SLC4A7: variants seen among roughly 807,000 people sequenced by gnomAD.
SLC4A7 encodes the protein solute carrier family 4 member 7.
Under a neutral mutation model 137.6 loss-of-function variants are expected in SLC4A7, and 51 were observed. That is an observed-to-expected ratio of 0.37 (90% CI 0.30 to 0.47). The LOEUF (loss-of-function observed/expected upper bound fraction) is 0.47, where lower values mean the gene tolerates loss of function less well. SLC4A7 is among the 20% of genes least tolerant of loss of function. The pLI is 1.00. For missense variants in SLC4A7, 1,247 were observed against 1,525.4 expected (o/e 0.82, Z 3.04); for synonymous variants, 542 against 518.6 (o/e 1.05, Z -0.61).
intron 24 of SLC4A7, among the ~76,000 whole-genome samples, chr3:27,382,078 A>C (rs2050477474): frequency 6.6e-6 from 1 of 152,070 alleles, no homozygotes; most frequent in South Asian, 2.1e-4. Flanking sequence ...AAAAAAAAAG[A>C]AAAAAAATAC....
intron 1 of SLC4A7, among the ~76,000 whole-genome samples, chr3:27,479,662 C>A (rs568664635): frequency 5.8e-4 from 89 of 152,254 alleles, no homozygotes; most frequent in African/African-American, 2.1e-3. Flanking sequence ...TTTTTCCAAA[C>A]TGCAAAAATG....
intron 7 of SLC4A7, among the ~76,000 whole-genome samples, chr3:27,428,448 C>T (rs2055889167): frequency 6.6e-6 from 1 of 152,220 alleles, no homozygotes; most frequent in Admixed American, 6.5e-5. Flanking sequence ...ACTATTATAA[C>T]TAATGTCATA....
chr3:27,394,405 G>A lies in SLC4A7; in HGVS notation c.3117+113C>T, dbSNP rs554586321. ...TGAAATTATTTCCCAAGTAAACTGT[G>A]GAAAACAAACCTAATTTTAGGTATT... On this transcript the variant is annotated intron_variant, in intron 20 of 25. Coordinates refer to ENST00000454389, the MANE Select transcript of SLC4A7 (RefSeq NM_001321103.2). The A allele has an allele frequency of 7.4e-6, 7 of 946,344 alleles. No individual in the cohort carries two copies. The Admixed American group carries it at 1.2e-4, about 16-fold the overall frequency. The allele number at this position is 946,344 out of a possible 1,614,324, so 58.6% of individuals were successfully genotyped here.
At chr3:27,465,289 CAAAAA>C (rs11329798) in intron 1 of SLC4A7, among the ~76,000 whole-genome samples, 8 of 84,704 alleles carry the variant, frequency 9.4e-5, no homozygotes, top group Admixed American at 2.7e-4. Flanking sequence ...GACTCCGTCT[CAAAAA>C]AAAAAAAAAA....
chr3:27,455,583 T>C (rs1026559140), intron 1 of SLC4A7, among the ~76,000 whole-genome samples: 19 of 150,216 alleles, frequency 1.3e-4, no homozygotes, highest in African/African-American at 4.4e-4. Context: ...TTTTTTTTTT[T>C]TTTTTTTGGA....
intron 20 of SLC4A7, among the ~76,000 whole-genome samples, chr3:27,393,372 G>C (rs2051790181): frequency 6.6e-6 from 1 of 152,132 alleles, no homozygotes; most frequent in South Asian, 2.1e-4. Context: ...AAACTATTTT[G>C]AATATCTAAC....
intron 24 of SLC4A7, among the ~76,000 whole-genome samples, chr3:27,380,142 G>A (rs2050271713): frequency 6.6e-6 from 1 of 151,852 alleles, no homozygotes; most frequent in African/African-American, 2.4e-5. Context: ...CCCCGTCTTT[G>A]CTAAAAATAT....
intron 22 of SLC4A7, among the ~76,000 whole-genome samples, chr3:27,388,217 TA>T (rs1218720017): frequency 7.2e-5 from 11 of 152,220 alleles, no homozygotes; most frequent in African/African-American, 2.7e-4. Flanking sequence ...TCTATCTACT[TA>T]AGATATATTA....
intron 1 of SLC4A7, among the ~76,000 whole-genome samples, chr3:27,452,877 C>G (rs2058168942): frequency 6.6e-6 from 1 of 152,140 alleles, no homozygotes; most frequent in Admixed American, 6.5e-5. Flanking sequence ...GATCTTTGCT[C>G]TTAAGTCTCC....
chr3:27,450,758 T>C (rs1171425836), intron 2 of SLC4A7, among the ~76,000 whole-genome samples: 1 of 152,106 alleles, frequency 6.6e-6, no homozygotes, highest in East Asian at 1.9e-4. Flanking sequence ...GCCTCTAGTG[T>C]CCTCTGTTTT....
chr3:27,394,825 A>T (rs952701569), intron 19 of SLC4A7, 56 bp from the exon 20 acceptor site: 3 of 1,575,748 alleles, frequency 1.9e-6, no homozygotes, highest in Non-Finnish European at 2.6e-6. Context: ...CCTCAATTTA[A>T]AATTCTACAC....
chr3:27,461,955 A>ATC (rs2058724447), intron 1 of SLC4A7, among the ~76,000 whole-genome samples: 1 of 152,048 alleles, frequency 6.6e-6, no homozygotes, highest in African/African-American at 2.4e-5. Context: ...GTGCGATTCC[A>ATC]TCTCAAAAAA....
rs114624492 is a variant in SLC4A7, at chr3:27,453,540, G to A, written c.61-1042C>T. Among the ~76,000 whole-genome samples, 992 of 152,322 alleles carry A rather than the reference G, an allele frequency of 6.5e-3. 15 individuals carry two copies. The highest frequency in any genetic ancestry group is 0.023 in the African/African-American group (944 of 41,566). ...AGGCAGGAGAATCACTTGAACCCGG[G>A]AGGCAGAGGTATTGGTGAGCCAAGA... is the stretch of plus-strand genomic sequence containing the variant. On this transcript the variant is annotated intron_variant, in intron 1 of 25. Coordinates refer to ENST00000454389, the MANE Select transcript of SLC4A7 (RefSeq NM_001321103.2).
intron 12 of SLC4A7, among the ~76,000 whole-genome samples, chr3:27,410,030 T>C (rs2053753709): frequency 1.3e-5 from 2 of 152,190 alleles, no homozygotes; most frequent in Admixed American, 1.3e-4. Flanking sequence ...TTAAAAACTT[T>C]CAAAACTAGT....
Position 27,436,247 on chromosome 3 carries a change from G to A in SLC4A7, c.589+141C>T, listed in dbSNP as rs1010811620. On this transcript the variant is annotated intron_variant, in intron 5 of 25. Coordinates refer to ENST00000454389, the MANE Select transcript of SLC4A7 (RefSeq NM_001321103.2). ...ATGTCGGTTTAATTTAATCTCATCTGCAAATTTATCAAAGACAAAAATTCT... is the reference window on the plus strand; with the variant it reads ...ATGTCGGTTTAATTTAATCTCATCTACAAATTTATCAAAGACAAAAATTCT... 1.5e-5 allele frequency: 8 copies of A among 544,256 alleles called. No individual in the cohort carries two copies. In the African/African-American group the frequency reaches 1.5e-4, roughly 10 times the overall value. The allele number at this position is 544,256 out of a possible 1,614,324, so 33.7% of individuals were successfully genotyped here.
At chr3:27,410,189 G>A (rs1438431159) in intron 12 of SLC4A7, among the ~76,000 whole-genome samples, 1 of 152,120 alleles carries the variant, frequency 6.6e-6, no homozygotes, top group African/African-American at 2.4e-5. Context: ...CATCAAAGCT[G>A]TACCATTTCA....
chr3:27,432,377 A>G (rs1482500589), intron 6 of SLC4A7, among the ~76,000 whole-genome samples: 1 of 152,210 alleles, frequency 6.6e-6, no homozygotes, highest in East Asian at 1.9e-4. Context: ...TAGCAGATAC[A>G]TTAAAACAAA....
At chr3:27,477,606 T>C (rs1452971299) in intron 1 of SLC4A7, among the ~76,000 whole-genome samples, 1 of 152,198 alleles carries the variant, frequency 6.6e-6, no homozygotes, top group Non-Finnish European at 1.5e-5. Context: ...ATTATAAGGT[T>C]TCTCAGAGCC....
rs116801182 is a variant in SLC4A7, at chr3:27,423,748, C to T, written c.1266+289G>A. On this transcript the variant is annotated intron_variant, in intron 8 of 25. Transcript: ENST00000454389. Reference sequence around the variant, plus strand: ...TAGTTCAAAAAGTACTGACGTTTCACGATATCTATGGGTAGGTATGGATGG... The same window carrying T: ...TAGTTCAAAAAGTACTGACGTTTCATGATATCTATGGGTAGGTATGGATGG... The T allele has an allele frequency of 9.1e-4, 235 of 257,892 alleles. 2 individuals carry two copies. The highest frequency in any genetic ancestry group is 4.1e-3 in the South Asian group (57 of 13,906). 16.0% of individuals were successfully genotyped at this position (257,892 alleles called of 1,614,324 possible). A position where few individuals can be genotyped will look rare whatever the true frequency, so the allele number is the denominator to read the frequency against.
Sources: gnomAD v4.1 joint callset for allele counts (sites outside exome capture counted in the v4.1 genomes callset) on GRCh38, gnomAD v4.1.1 for gene constraint, MANE v1.5 for transcripts, NCBI Gene and HGNC (gene_info 2026-07-23, HGNC 2026-07-21) for gene names.